The following CDH23 variants were observed in gnomAD, a reference collection of about 807,000 sequenced individuals.
CDH23 encodes cadherin-23.
In CDH23, 189 loss-of-function variants were observed where a neutral mutation model predicts 317.1. The ratio of observed to expected loss-of-function variants is 0.60; its 90% confidence interval spans 0.53 to 0.67. The LOEUF is 0.67. Ranked by LOEUF, CDH23 falls within the 30% of genes least tolerant of loss-of-function variation. CDH23 has a pLI of 0.00. For synonymous variants in CDH23, 1,839 were observed against 1,876.8 expected (o/e 0.98, Z 0.52); for missense variants, 4,401 against 4,592.4 (o/e 0.96, Z 1.20).
intron 9 of CDH23, among the ~76,000 whole-genome samples, chr10:71,599,720 G>T (rs1860093046): frequency 6.6e-6 from 1 of 152,192 alleles, no homozygotes; most frequent in South Asian, 2.1e-4. Flanking sequence ...CTGACCTGTG[G>T]CCTGGACAGG....
chr10:71,518,725 G>A (rs1260630287), intron 6 of CDH23, among the ~76,000 whole-genome samples: 1 of 152,206 alleles, frequency 6.6e-6, no homozygotes, highest in Non-Finnish European at 1.5e-5. Context: ...TGCTCCCCTT[G>A]CCTGCAGGGA....
At chr10:71,765,306 T>C (rs773934355) in intron 38 of CDH23, among the ~76,000 whole-genome samples, 1 of 152,156 alleles carries the variant, frequency 6.6e-6, no homozygotes, top group African/African-American at 2.4e-5. Context: ...CCAGCACACA[T>C]ACCTTGGGGG....
chr10:71,510,972 G>T lies in CDH23; in HGVS notation c.307G>T (p.Val103Leu), dbSNP rs746084921. ...LDRETKSEFT[V>L]EFSVSDHQGV... is the part of the protein sequence containing the mutation. ...CTTTCAGACCAAGTCAGAGTTCACC[G>T]TGGAGTTCTCTGTCAGCGACCACCA... Residue 103 changes from valine (V) to leucine (L), a missense_variant, in exon 5 of 70, where the codon GTG becomes TTG. Physicochemically the swap from Val to Leu is conservative, Grantham distance 32 (BLOSUM62 1). Transcript: ENST00000224721. 6.2e-7 allele frequency: 1 copy of T among 1,613,884 alleles called. No individual in the cohort carries two copies. Among genetic ancestry groups the T allele is most frequent in the Non-Finnish European group, 8.5e-7 (1 of 1,179,854 alleles).
chr10:71,549,794 G>A (rs1033268436), intron 6 of CDH23, among the ~76,000 whole-genome samples: 1 of 152,222 alleles, frequency 6.6e-6, no homozygotes, highest in Non-Finnish European at 1.5e-5. Context: ...AGCGAAAACG[G>A]TCTTGACTGC....
chr10:71,445,741 G>T (rs114467398), intron 2 of CDH23, among the ~76,000 whole-genome samples: 3,096 of 151,552 alleles, frequency 0.02, 109 homozygotes, highest in African/African-American at 0.071. Flanking sequence ...CCAGCTAATT[G>T]GGAGGCTGAG....
chr10:71,730,741 G>A, intron 31 of CDH23, 137 bp downstream of exon 31: 1 of 1,302,308 alleles, frequency 7.7e-7, no homozygotes. Flanking sequence ...GGGAGGGGCT[G>A]CTGGGATGGT....
intron 38 of CDH23, among the ~76,000 whole-genome samples, chr10:71,774,890 G>C (rs1346188054): frequency 2.0e-5 from 3 of 152,180 alleles, no homozygotes; most frequent in Non-Finnish European, 4.4e-5. Context: ...CTTGTGGGTG[G>C]CCTGATCCAA....
chr10:71,478,114 T>A (rs1163829955), intron 3 of CDH23, among the ~76,000 whole-genome samples: 3 of 152,236 alleles, frequency 2.0e-5, no homozygotes, highest in African/African-American at 7.2e-5. Context: ...GTCTTCTACA[T>A]GTCTGCCAAA....
chr10:71,459,107 A>ATTTT (rs1564593706), intron 3 of CDH23, among the ~76,000 whole-genome samples: 1 of 32,688 alleles, frequency 3.1e-5, no homozygotes, highest in Admixed American at 3.9e-4. Context: ...TTTTTTTGTG[A>ATTTT]GATAGGGTCT....
chr10:71,630,938 C>G (rs1013249172), intron 11 of CDH23, among the ~76,000 whole-genome samples: 1 of 152,110 alleles, frequency 6.6e-6, no homozygotes, highest in Non-Finnish European at 1.5e-5. Context: ...TTGCCAACAC[C>G]CAGATTGTAT....
At chr10:71,608,555 C>T (rs1156309809) in intron 9 of CDH23, among the ~76,000 whole-genome samples, 1 of 152,194 alleles carries the variant, frequency 6.6e-6, no homozygotes, top group East Asian at 1.9e-4. Flanking sequence ...TACTGGTTGA[C>T]CCTTTGGAAT....
chr10:71,535,817 A>G (rs752523643), intron 6 of CDH23, among the ~76,000 whole-genome samples: 25 of 152,224 alleles, frequency 1.6e-4, no homozygotes, highest in Non-Finnish European at 3.2e-4. Flanking sequence ...GGCAAGTGGC[A>G]TTACATTTTC....
At chr10:71,738,044 T>C (rs1320475072) in intron 34 of CDH23, among the ~76,000 whole-genome samples, 2 of 152,242 alleles carry the variant, frequency 1.3e-5, no homozygotes, top group Non-Finnish European at 2.9e-5. Context: ...AGATGTGTTT[T>C]GGACAGCCCA....
At chr10:71,481,505 G>A (rs1233876591) in intron 3 of CDH23, among the ~76,000 whole-genome samples, 4 of 152,192 alleles carry the variant, frequency 2.6e-5, no homozygotes, top group African/African-American at 7.2e-5. Flanking sequence ...CAGGGTGCAC[G>A]TGAGATAAGA....
At chr10:71,633,138 G>A (rs1301887389) in intron 11 of CDH23, among the ~76,000 whole-genome samples, 1 of 151,920 alleles carries the variant, frequency 6.6e-6, no homozygotes, top group Non-Finnish European at 1.5e-5. Flanking sequence ...ATCCATGAAT[G>A]GATTAGTCCA....
intron 38 of CDH23, chr10:71,773,487 G>A: frequency 3.9e-6 from 6 of 1,535,218 alleles, no homozygotes; most frequent in Non-Finnish European, 5.3e-6. Flanking sequence ...GGAGCGGGCG[G>A]GACGCGGCCG....
chr10:71,515,357 TTCTCTCTCTCTCTCTCTC>T (rs3059687), intron 6 of CDH23, among the ~76,000 whole-genome samples: 1 of 126,192 alleles, frequency 7.9e-6, no homozygotes, highest in South Asian at 2.6e-4. Flanking sequence ...ACCTGTCTGT[TTCTCTCTCTCTCTCTCTC>T]TCTCTCTCTC....
At chr10:71,553,415 A>T (rs528785296) in intron 6 of CDH23, among the ~76,000 whole-genome samples, 61 of 152,258 alleles carry the variant, frequency 4.0e-4, no homozygotes, top group Middle Eastern at 3.4e-3. Context: ...GGTTCCACTT[A>T]TCACATCACA....
At chr10:71,755,419 G>A (rs867599245) in intron 38 of CDH23, 1 of 1,613,522 alleles carries the variant, frequency 6.2e-7, no homozygotes, top group Non-Finnish European at 8.5e-7. Context: ...GGGAGGCAGA[G>A]GATTCCTACG....
Sources: gnomAD v4.1 joint callset for allele counts (sites outside exome capture counted in the v4.1 genomes callset) on GRCh38, gnomAD v4.1.1 for gene constraint, MANE v1.5 for transcripts, NCBI Gene and HGNC (gene_info 2026-07-23, HGNC 2026-07-21) for gene names.